Variants in NCOA2 observed in about 807,000 individuals in gnomAD.
The protein encoded by NCOA2 is nuclear receptor coactivator 2.
A neutral mutation model predicts 145.1 loss-of-function variants in NCOA2; 21 were observed. The observed-to-expected ratio is 0.14, with a 90% CI of 0.10 to 0.21. The LOEUF (loss-of-function observed/expected upper bound fraction) is 0.21. Among genes scored for constraint, NCOA2 ranks in the 10% least tolerant of loss-of-function variants. The pLI, the probability that NCOA2 is intolerant of heterozygous loss-of-function variation, is 1.00. For missense variants in NCOA2, 1,472 were observed against 1,837.6 expected, an observed-to-expected ratio of 0.80 and a Z score of 3.64; for synonymous variants, 619 against 637.5, an observed-to-expected ratio of 0.97 and a Z score of 0.44.
At chr8:70,319,865 A>G (rs1805903973) in intron 1 of NCOA2, among the ~76,000 whole-genome samples, 1 of 152,182 alleles carries the variant, frequency 6.6e-6, no homozygotes, top group Admixed American at 6.5e-5. Flanking sequence ...ATTGCTTGAT[A>G]CATGTCAGAC....
the NCOA2 span, among the ~76,000 whole-genome samples, chr8:70,417,948 T>C: frequency 1.3e-5 from 2 of 152,178 alleles, no homozygotes; most frequent in Admixed American, 1.3e-4. Flanking sequence ...CAGGTCGCAA[T>C]CTTAACTTCC....
intron 2 of NCOA2, among the ~76,000 whole-genome samples, chr8:70,247,211 G>A (rs1476094139): frequency 6.6e-6 from 1 of 152,158 alleles, no homozygotes; most frequent in Admixed American, 6.6e-5. Flanking sequence ...AATGATTAGT[G>A]AGGTGTCAGG....
chr8:70,185,183 C>A (rs558260434), intron 4 of NCOA2, among the ~76,000 whole-genome samples: 1 of 152,266 alleles, frequency 6.6e-6, no homozygotes, highest in South Asian at 2.1e-4. Context: ...GGTTGAAATT[C>A]CCGGTTTCAT....
At chr8:70,321,120 C>A (rs1806016547) in intron 1 of NCOA2, among the ~76,000 whole-genome samples, 1 of 151,950 alleles carries the variant, frequency 6.6e-6, no homozygotes, top group Non-Finnish European at 1.5e-5. Flanking sequence ...TCTTCTAGGC[C>A]CCTGGAAAGC....
intron 1 of NCOA2, among the ~76,000 whole-genome samples, chr8:70,342,774 TACACACAC>T (rs370685018): frequency 0.042 from 5,199 of 124,092 alleles, 134 homozygotes; most frequent in East Asian, 0.1. Context: ...CTTTTGCAAT[TACACACAC>T]ACACACACAC....
chr8:70,160,322 T>G (rs1046937463), intron 9 of NCOA2, among the ~76,000 whole-genome samples: 2 of 152,168 alleles, frequency 1.3e-5, no homozygotes, highest in Non-Finnish European at 1.5e-5. Flanking sequence ...ACACTGGAAT[T>G]GGTTTAACTT....
At chr8:70,330,524 T>C (rs1166872656) in intron 1 of NCOA2, among the ~76,000 whole-genome samples, 1 of 148,200 alleles carries the variant, frequency 6.7e-6, no homozygotes, top group African/African-American at 2.5e-5. Flanking sequence ...TAGGCTCCAA[T>C]CATGCCACTG....
intron 1 of NCOA2, among the ~76,000 whole-genome samples, chr8:70,308,158 T>C (rs1490633859): frequency 6.6e-6 from 1 of 152,078 alleles, no homozygotes; most frequent in Non-Finnish European, 1.5e-5. Context: ...AAAGAAAAAA[T>C]GTAATCCTTT....
intron 1 of NCOA2, among the ~76,000 whole-genome samples, chr8:70,395,395 C>T (rs1197272896): frequency 6.6e-6 from 1 of 152,206 alleles, no homozygotes; most frequent in East Asian, 1.9e-4. Context: ...GCCTCAAGCA[C>T]CGGCAAGCCC....
chr8:70,116,056 G>A lies in NCOA2; in HGVS notation c.4384-2413C>T, dbSNP rs183153406. On this transcript the variant is annotated intron_variant, in intron 22 of 22. Coordinates refer to ENST00000452400, the MANE Select transcript of NCOA2 (RefSeq NM_006540.4). The stretch of plus-strand genomic sequence containing the variant: ...AAAAAAATTAGCCGGGCGTGGTGGA[G>A]GGTGCCTGTAGTCCCAGCTACTAGG... 5.4e-3 allele frequency among the ~76,000 whole-genome samples: 816 copies of A among 152,022 alleles called. 7 individuals carry two copies. Among genetic ancestry groups the A allele is most frequent in the South Asian group, 0.027 (129 of 4,814 alleles).
chr8:70,346,534 A>T (rs1016679050), intron 1 of NCOA2, among the ~76,000 whole-genome samples: 2 of 152,232 alleles, frequency 1.3e-5, no homozygotes, highest in Non-Finnish European at 2.9e-5. Flanking sequence ...TAAAAAGATA[A>T]ACACTGTCAT....
chr8:70,318,761 T>A (rs1805816544), intron 1 of NCOA2, among the ~76,000 whole-genome samples: 2 of 151,408 alleles, frequency 1.3e-5, no homozygotes, highest in South Asian at 4.2e-4. Context: ...AGACCCTGTC[T>A]CAAAAGAAAA....
At chr8:70,438,351 A>G in the NCOA2 span, among the ~76,000 whole-genome samples, 103 of 152,158 alleles carry the variant, frequency 6.8e-4, no homozygotes, top group Non-Finnish European at 7.9e-4. Context: ...TTGGTCCATT[A>G]TATTTTCCTA....
the NCOA2 span, among the ~76,000 whole-genome samples, chr8:70,423,088 T>A: frequency 6.6e-6 from 1 of 151,850 alleles, no homozygotes; most frequent in Non-Finnish European, 1.5e-5. Context: ...TACAGCTCAG[T>A]GTGTTTTCAT....
At chr8:70,435,715 CTT>C in the NCOA2 span, among the ~76,000 whole-genome samples, 5 of 150,050 alleles carry the variant, frequency 3.3e-5, no homozygotes, top group African/African-American at 9.9e-5. Context: ...AATACTTACA[CTT>C]ATATATATAT....
Position 70,355,298 on chromosome 8 carries a change from CAAAG to C in NCOA2, c.-77+48398_-77+48401del, listed in dbSNP as rs1364087311. Among the ~76,000 whole-genome samples the C allele has an allele frequency of 3.3e-5, 5 of 152,320 alleles. No individual in the cohort carries two copies. In the East Asian group the frequency reaches 9.6e-4, roughly 29 times the overall value. ...AGGGGAACAGATTCTGACTCTGAAACAAAGGAAGCACAGTTACGAGTCCTTCAAG... is the reference window on the plus strand; with the variant it reads ...AGGGGAACAGATTCTGACTCTGAAACGAAGCACAGTTACGAGTCCTTCAAG... On this transcript the variant is annotated intron_variant, in intron 1 of 22. Coordinates refer to ENST00000452400, the MANE Select transcript of NCOA2 (RefSeq NM_006540.4).
At chr8:70,291,821 C>T (rs111623775) in intron 2 of NCOA2, among the ~76,000 whole-genome samples, 8,311 of 152,154 alleles carry the variant, frequency 0.055, 301 homozygotes, top group East Asian at 0.16. Context: ...GTTGGCCGGG[C>T]GGGCGCAGTG....
intron 1 of NCOA2, among the ~76,000 whole-genome samples, chr8:70,308,085 C>T (rs768758875): frequency 3.0e-4 from 45 of 152,036 alleles, no homozygotes; most frequent in Non-Finnish European, 5.7e-4. Context: ...ATCAAAGGTC[C>T]TACCAGTGGT....
intron 2 of NCOA2, among the ~76,000 whole-genome samples, chr8:70,264,412 CT>C (rs1168821089): frequency 6.6e-6 from 1 of 151,906 alleles, no homozygotes; most frequent in Non-Finnish European, 1.5e-5. Flanking sequence ...GGTGGATCCC[CT>C]GATCCCAGGA....
Sources: allele counts gnomAD v4.1 joint callset (sites outside exome capture counted in the v4.1 genomes callset), GRCh38; gene constraint gnomAD v4.1.1; transcripts MANE v1.5; gene names NCBI Gene and HGNC (gene_info 2026-07-23, HGNC 2026-07-21).